The following GABBR2 variants were observed in gnomAD, a reference collection of about 807,000 sequenced individuals.
GABBR2 encodes the protein gamma-aminobutyric acid type B receptor subunit 2.
GABBR2 carries 23 observed loss-of-function variants against 105.6 expected under a neutral mutation model. That is an observed-to-expected ratio of 0.22 (90% CI 0.16 to 0.31). GABBR2 has a LOEUF of 0.31. Ranked by LOEUF, GABBR2 falls within the 10% of genes least tolerant of loss-of-function variation. GABBR2 has a pLI of 1.00. For synonymous variants in GABBR2, 478 were observed against 499.7 expected, an observed-to-expected ratio of 0.96 and a Z score of 0.58; for missense variants, 734 against 1,245.5, an observed-to-expected ratio of 0.59 and a Z score of 6.18.
chr9:98,664,491 C>T (rs958354042), intron 1 of GABBR2, among the ~76,000 whole-genome samples: 11 of 152,182 alleles, frequency 7.2e-5, no homozygotes, highest in African/African-American at 2.7e-4. Context: ...CCATTATTTT[C>T]TATTCAATGG....
chr9:98,352,994 G>C, intron 13 of GABBR2, among the ~76,000 whole-genome samples: 1 of 152,136 alleles, frequency 6.6e-6, no homozygotes, highest in Non-Finnish European at 1.5e-5. Context: ...TGATGCAGCA[G>C]CTTGGGTTTT....
chr9:98,518,469 G>A (rs1827803890), intron 3 of GABBR2, among the ~76,000 whole-genome samples: 1 of 152,188 alleles, frequency 6.6e-6, no homozygotes, highest in Admixed American at 6.5e-5. Context: ...GCCCTCCTAT[G>A]TCTAAGTCCT....
At chr9:98,571,250 G>A (rs547128230) in intron 2 of GABBR2, among the ~76,000 whole-genome samples, 8 of 152,276 alleles carry the variant, frequency 5.3e-5, no homozygotes, top group South Asian at 4.1e-4. Flanking sequence ...CTGGGAAAAC[G>A]GCAAGGTGAT....
chr9:98,404,866 G>A (rs915162542), intron 8 of GABBR2, among the ~76,000 whole-genome samples: 11 of 152,226 alleles, frequency 7.2e-5, no homozygotes, highest in Middle Eastern at 3.4e-3. Context: ...AGACTAAAGA[G>A]ATACTTCAAG....
intron 13 of GABBR2, among the ~76,000 whole-genome samples, chr9:98,317,835 A>G (rs1019422263): frequency 6.6e-6 from 1 of 152,116 alleles, no homozygotes; most frequent in African/African-American, 2.4e-5. Flanking sequence ...CATTCAACAA[A>G]CCACACAGTA....
intron 13 of GABBR2, among the ~76,000 whole-genome samples, chr9:98,348,500 T>C (rs896557029): frequency 6.6e-6 from 1 of 152,334 alleles, no homozygotes; most frequent in Middle Eastern, 3.4e-3. Context: ...AGGGATTACG[T>C]TGAATCTGTG....
intron 2 of GABBR2, among the ~76,000 whole-genome samples, chr9:98,553,311 C>T (rs2808524): frequency 0.24 from 37,030 of 151,936 alleles, 5,535 homozygotes; most frequent in East Asian, 0.47. Flanking sequence ...AGAGGCAAAG[C>T]AGCCAGGTGC....
At chr9:98,588,580 A>C (rs1362017763) in intron 1 of GABBR2, among the ~76,000 whole-genome samples, 1 of 152,192 alleles carries the variant, frequency 6.6e-6, no homozygotes, top group East Asian at 1.9e-4. Flanking sequence ...AGATGAAAAA[A>C]CTGAGGATCA....
At chr9:98,437,678 A>C (rs1825950492) in intron 7 of GABBR2, among the ~76,000 whole-genome samples, 1 of 150,410 alleles carries the variant, frequency 6.6e-6, no homozygotes, top group South Asian at 2.1e-4. Context: ...ATCTGTGCAT[A>C]TATCTATTCA....
chr9:98,472,983 G>A (rs1258603137), intron 6 of GABBR2, among the ~76,000 whole-genome samples, 163 bp downstream of exon 6: 1 of 152,124 alleles, frequency 6.6e-6, no homozygotes, highest in Non-Finnish European at 1.5e-5. Flanking sequence ...AAGCAGTGGA[G>A]GGTTGTACAT....
At chr9:98,463,749 C>T (rs1180916938) in intron 6 of GABBR2, among the ~76,000 whole-genome samples, 1 of 152,122 alleles carries the variant, frequency 6.6e-6, no homozygotes, top group Non-Finnish European at 1.5e-5. Flanking sequence ...GATTCTCCTG[C>T]CTCGGCCTGC....
chr9:98,478,262 A>G lies in GABBR2; in HGVS notation c.798+2670T>C, dbSNP rs546074090. On this transcript the variant is annotated intron_variant, in intron 5 of 18. Coordinates refer to ENST00000259455, the MANE Select transcript of GABBR2 (RefSeq NM_005458.8). ...CCATGTGGTCTCTGCTCTGACTCCAATAGAGATCGGAAGGCTCTCTTGGGG... is the reference window on the plus strand; with the variant it reads ...CCATGTGGTCTCTGCTCTGACTCCAGTAGAGATCGGAAGGCTCTCTTGGGG... 3.3e-4 allele frequency among the ~76,000 whole-genome samples: 51 copies of G among 152,294 alleles called. No homozygotes were observed. The South Asian group carries it at 7.3e-3, about 22-fold the overall frequency.
intron 2 of GABBR2, chr9:98,555,788 C>T (rs1828574532): frequency 6.6e-6 from 1 of 152,318 alleles, no homozygotes; most frequent in African/African-American, 2.4e-5. Context: ...TGCAGCATTT[C>T]TTACTTCTGG....
At chr9:98,362,929 C>T in intron 12 of GABBR2, 92 bp from the exon 13 acceptor site, 1 of 1,112,584 alleles carries the variant, frequency 9.0e-7, no homozygotes, top group Non-Finnish European at 1.2e-6. Flanking sequence ...GAACCTGCAT[C>T]ATGAACCCCC....
chr9:98,586,502 G>A (rs575903541), intron 1 of GABBR2, among the ~76,000 whole-genome samples: 1 of 152,244 alleles, frequency 6.6e-6, no homozygotes, highest in East Asian at 1.9e-4. Flanking sequence ...GTTCTGCCAT[G>A]TTGACCAGGC....
intron 1 of GABBR2, among the ~76,000 whole-genome samples, chr9:98,659,786 G>T (rs1233479735): frequency 6.6e-6 from 1 of 151,746 alleles, no homozygotes; most frequent in African/African-American, 2.4e-5. Context: ...CTCCCAAAGT[G>T]TTGGGATTAC....
chr9:98,334,012 C>T (rs1831072361), intron 13 of GABBR2, among the ~76,000 whole-genome samples: 1 of 152,212 alleles, frequency 6.6e-6, no homozygotes, highest in Non-Finnish European at 1.5e-5. Flanking sequence ...GTGCTTACCA[C>T]ATAGCATGCA....
intron 11 of GABBR2, among the ~76,000 whole-genome samples, chr9:98,372,240 G>A (rs1045680590): frequency 3.3e-5 from 5 of 152,172 alleles, no homozygotes; most frequent in African/African-American, 1.2e-4. Flanking sequence ...GGTCTTAGGG[G>A]CCTCCAGGAC....
At chr9:98,569,907 A>C (rs1458581677) in intron 2 of GABBR2, among the ~76,000 whole-genome samples, 1 of 152,212 alleles carries the variant, frequency 6.6e-6, no homozygotes, top group African/African-American at 2.4e-5. Flanking sequence ...CAGATCACAA[A>C]ATTTCTGTTC....
Sources: gnomAD v4.1 joint callset for allele counts (sites outside exome capture counted in the v4.1 genomes callset) on GRCh38, gnomAD v4.1.1 for gene constraint, MANE v1.5 for transcripts, NCBI Gene and HGNC (gene_info 2026-07-23, HGNC 2026-07-21) for gene names.